The following TRIP11 variants were observed in gnomAD, a reference collection of about 807,000 sequenced individuals.
TRIP11 encodes the protein thyroid hormone receptor interactor 11.
TRIP11 carries 148 observed loss-of-function variants against 223.1 expected under a neutral mutation model. The observed-to-expected ratio is 0.66, with a 90% CI of 0.58 to 0.76. The LOEUF (loss-of-function observed/expected upper bound fraction) is 0.76, where lower values mean the gene tolerates loss of function less well. Among genes scored for constraint, TRIP11 ranks in the 30% least tolerant of loss-of-function variants. The probability of loss-of-function intolerance (pLI) is 0.00; values close to 1 mark genes in which losing one functional copy is unlikely to be tolerated. For missense variants in TRIP11, 2,043 were observed against 2,222.0 expected (o/e 0.92, Z 1.62); for synonymous variants, 762 against 772.6 (o/e 0.99, Z 0.23).
intron 8 of TRIP11, among the ~76,000 whole-genome samples, chr14:92,011,539 C>T (rs1480031395): frequency 2.4e-5 from 3 of 122,988 alleles, no homozygotes; most frequent in South Asian, 2.7e-4. Flanking sequence ...GTGTCTAAAA[C>T]GAATGAAACC....
chr14:91,979,257 C>CAAAAA lies in TRIP11; in HGVS notation c.5261-3073_5261-3069dup, dbSNP rs558337126. ...GGACAACAGAGCGAGACCCTGTCTC[C>CAAAAA]AAAAAAAAAAAAAAAAGAGAGAGAG... On this transcript the variant is annotated intron_variant, in intron 16 of 20. Transcript: ENST00000267622. Among the ~76,000 whole-genome samples the CAAAAA allele has an allele frequency of 2.9e-5, 3 of 102,886 alleles. 1 individual carries two copies. The highest frequency in any genetic ancestry group is 3.6e-5 in the African/African-American group (1 of 27,668). The allele number at this position is 102,886 out of a possible 152,430, so 67.5% of individuals were successfully genotyped here.
intron 3 of TRIP11, among the ~76,000 whole-genome samples, chr14:92,022,436 T>C (rs759921300): frequency 6.6e-5 from 10 of 152,174 alleles, no homozygotes; most frequent in Non-Finnish European, 1.2e-4. Context: ...AGAAATAATA[T>C]ACTGAAAGTG....
At chr14:91,970,946 T>A (rs150661150) in intron 20 of TRIP11, among the ~76,000 whole-genome samples, 2,368 of 152,314 alleles carry the variant, frequency 0.016, 36 homozygotes, top group Middle Eastern at 0.051. Context: ...CATATTACAA[T>A]GATAACAGTT....
chr14:91,967,548 A>G lies in TRIP11; in HGVS notation c.*2125T>C, dbSNP rs2056353485. 1 of 200,322 alleles carries G rather than the reference A, an allele frequency of 5.0e-6. No individual in the cohort carries two copies. The highest frequency in any genetic ancestry group is 2.3e-5 in the African/African-American group (1 of 43,452). 12.4% of individuals were successfully genotyped at this position (200,322 alleles called of 1,614,324 possible). On this transcript the variant is annotated 3_prime_UTR_variant, in exon 21 of 21. Coordinates refer to ENST00000267622, the MANE Select transcript of TRIP11 (RefSeq NM_004239.4). ...TCCACCCACAACAGCTTTTAAACTT[A>G]CGTTAAACCATGGGATGAGAGGCGG...
chr14:91,994,914 CA>C, intron 14 of TRIP11, among the ~76,000 whole-genome samples: 1 of 152,292 alleles, frequency 6.6e-6, no homozygotes, highest in Admixed American at 6.5e-5. Context: ...ACATGTGAAT[CA>C]CCATTTCAAA....
Position 91,969,736 on chromosome 14 carries a change from T to A in TRIP11, c.5877A>T (p.Thr1959=). 1 of 1,613,420 alleles carries A rather than the reference T, an allele frequency of 6.2e-7. No homozygotes were observed. The highest frequency in any genetic ancestry group is 8.5e-7 in the Non-Finnish European group (1 of 1,179,968). Reference sequence around the variant, plus strand: ...TGTTGTCAGGTAACGCTGGCAAAGGTGTAAATGTGGGCAAAACATCTGAGA... The same window carrying A: ...TGTTGTCAGGTAACGCTGGCAAAGGAGTAAATGTGGGCAAAACATCTGAGA... ...KPISDVLPTF[T]PLPALPDNSA... is the part of the protein sequence containing the mutation. Residue 1959 remains threonine, a synonymous_variant, in exon 21 of 21, where the codon ACA becomes ACT. Transcript: ENST00000267622.
At chr14:92,014,953 G>C (rs943824470) in intron 6 of TRIP11, among the ~76,000 whole-genome samples, 1 of 150,552 alleles carries the variant, frequency 6.6e-6, no homozygotes, top group Non-Finnish European at 1.5e-5. Context: ...GCCCAGGCTG[G>C]AGGGCAGTGG....
At chr14:92,006,504 A>G in intron 10 of TRIP11, 56 bp from the exon 11 acceptor site, 1 of 1,564,494 alleles carries the variant, frequency 6.4e-7, no homozygotes, top group Non-Finnish European at 8.7e-7. Flanking sequence ...TAGTACTCAA[A>G]GAAAATTTTA....
chr14:92,032,178 TTC>T (rs1491575349), intron 2 of TRIP11, among the ~76,000 whole-genome samples: 2 of 152,200 alleles, frequency 1.3e-5, no homozygotes, highest in East Asian at 3.9e-4. Flanking sequence ...GATGGAGTTT[TTC>T]TCTGTCACTC....
intron 4 of TRIP11, among the ~76,000 whole-genome samples, chr14:92,021,150 T>C (rs2057109005): frequency 1.3e-5 from 2 of 151,392 alleles, no homozygotes; most frequent in South Asian, 4.2e-4. Flanking sequence ...CCCAACACTT[T>C]GGGAGGCCGA....
chr14:92,033,540 G>T (rs2057291872), intron 1 of TRIP11, among the ~76,000 whole-genome samples: 1 of 152,096 alleles, frequency 6.6e-6, no homozygotes, highest in Admixed American at 6.5e-5. Context: ...TTAAGCTTTA[G>T]AAATTAAAAC....
At chr14:91,992,096 A>C (rs1467532037) in intron 15 of TRIP11, among the ~76,000 whole-genome samples, 1 of 150,984 alleles carries the variant, frequency 6.6e-6, no homozygotes, top group African/African-American at 2.4e-5. Context: ...AAAAAAAAAA[A>C]AAAAAAAGCA....
Position 92,028,297 on chromosome 14 carries a change from T to A in TRIP11, c.202-2877A>T, listed in dbSNP as rs115609596. ...AGAAAGGGCTAGGCGTGGTGGCTCA[T>A]GCCTGTAATCTCAGCACTTTGGGAG... On this transcript the variant is annotated intron_variant, in intron 2 of 20. Transcript: ENST00000267622. Among the ~76,000 whole-genome samples, 991 of 152,300 alleles carry A rather than the reference T, an allele frequency of 6.5e-3. 10 individuals carry two copies. The highest frequency in any genetic ancestry group is 0.023 in the African/African-American group (944 of 41,566).
rs1030504898 is a variant in TRIP11 at position 91,978,062 on chromosome 14, C to T, written c.5261-1873G>A. 4.0e-5 allele frequency among the ~76,000 whole-genome samples: 6 copies of T among 151,384 alleles called. No individual in the cohort carries two copies. Among genetic ancestry groups the T allele is most frequent in the Admixed American group, 3.3e-4 (5 of 15,172 alleles). On this transcript the variant is annotated intron_variant, in intron 16 of 20. Coordinates refer to ENST00000267622, the MANE Select transcript of TRIP11 (RefSeq NM_004239.4). The surrounding 1 kb of genome is among the most constrained non-coding windows in gnomAD (Gnocchi z 4.4). ...GAGAGAGAGAAGGGGAGAGAGAGGG[C>T]GAAAAGGTGGGGGTGGACAGGACTA...
Position 92,005,336 on chromosome 14 carries a change from T to C in TRIP11, c.2640A>G (p.Ala880=), listed in dbSNP as rs749667041. The change falls in exon 11 of 21, where the codon GCA becomes GCG. Residue 880 remains alanine (A), a synonymous_variant. Coordinates refer to ENST00000267622, the MANE Select transcript of TRIP11 (RefSeq NM_004239.4). ...CAAGGGTTTTAGGGTCAGCCACAGG[T>C]GCGGTTCGACTCTGCTCTTCCCTGA... ...ERLREEQSRT[A]PVADPKTLDS... The C allele has an allele frequency of 6.2e-7, 1 of 1,614,194 alleles. No homozygotes were observed. Among genetic ancestry groups the C allele is most frequent in the Non-Finnish European group, 8.5e-7 (1 of 1,180,036 alleles).
chr14:92,031,161 T>G (rs938172267), intron 2 of TRIP11, among the ~76,000 whole-genome samples: 1 of 152,106 alleles, frequency 6.6e-6, no homozygotes, highest in Non-Finnish European at 1.5e-5. Flanking sequence ...GAGTCTTGCT[T>G]AGGCTGGAGT....
Position 92,004,003 on chromosome 14 carries a change from G to A in TRIP11, c.3973C>T (p.Gln1325Ter). The A allele has an allele frequency of 6.2e-7, 1 of 1,614,096 alleles. No homozygotes were observed. The highest frequency in any genetic ancestry group is 8.5e-7 in the Non-Finnish European group (1 of 1,180,028). ...QLSSASLLTP[Q>*]SAECLRASKS... is the part of the protein sequence containing the mutation. ...CTTGCTCTAAGACACTCTGCAGACT[G>A]GGGAGTAAGCAATGATGCAGAAGAC... The change falls in exon 11 of 21, where the codon CAG becomes TAG. Residue 1325 changes from glutamine (Q) to a stop codon, truncating the protein, a stop_gained. Coordinates refer to ENST00000267622, the MANE Select transcript of TRIP11 (RefSeq NM_004239.4). LOFTEE classifies it high-confidence loss of function.
In TRIP11 at chr14:92,005,933, C is replaced by T. The variant is rs745781387; in HGVS notation, c.2043G>A (p.Lys681=). ...VAFDVKMENE[K]LVLACEDVRH... ...TCACATCTTCACATGCTAAAACTAA[C>T]TTTTCATTTTCCATTTTGACATCAA... Residue 681 remains lysine (K), a synonymous_variant, in exon 11 of 21, where the codon AAG becomes AAA. Transcript: ENST00000267622. 1 of 1,613,536 alleles carries T rather than the reference C, an allele frequency of 6.2e-7. No individual in the cohort carries two copies. The highest frequency in any genetic ancestry group is 8.5e-7 in the Non-Finnish European group (1 of 1,179,924).
At chr14:92,002,963 A>G (rs1026208803) in intron 11 of TRIP11, among the ~76,000 whole-genome samples, 8 of 152,132 alleles carry the variant, frequency 5.3e-5, no homozygotes, top group South Asian at 2.1e-4. Flanking sequence ...ACACACACGC[A>G]CACACACATA....
Sources: allele counts gnomAD v4.1 joint callset (sites outside exome capture counted in the v4.1 genomes callset), GRCh38; gene constraint gnomAD v4.1.1; non-coding constraint Gnocchi (gnomAD v3.1); transcripts MANE v1.5; gene names NCBI Gene and HGNC (gene_info 2026-07-23, HGNC 2026-07-21).